Variants in CNDP1 observed in about 807,000 individuals in gnomAD.
The protein encoded by CNDP1 is beta-Ala-His dipeptidase.
Under a neutral mutation model 58.1 loss-of-function variants are expected in CNDP1, and 44 were observed. The observed-to-expected ratio is 0.76, with a 90% CI of 0.60 to 0.97. The LOEUF (loss-of-function observed/expected upper bound fraction) is 0.97, where lower values mean the gene tolerates loss of function less well. Ranked by LOEUF, CNDP1 falls within the 50% of genes least tolerant of loss-of-function variation. The pLI, the probability that CNDP1 is intolerant of heterozygous loss-of-function variation, is 0.00. For missense variants in CNDP1, 616 were observed against 655.1 expected, an observed-to-expected ratio of 0.94 and a Z score of 0.65; for synonymous variants, 254 against 252.6, an observed-to-expected ratio of 1.01 and a Z score of -0.05.
chr18:74,535,207 T>C (rs921102451), intron 1 of CNDP1, among the ~76,000 whole-genome samples: 1 of 152,170 alleles, frequency 6.6e-6, no homozygotes, highest in African/African-American at 2.4e-5. Flanking sequence ...AAGGCTTCTC[T>C]CTAGGAAAAC....
intron 1 of CNDP1, among the ~76,000 whole-genome samples, chr18:74,538,394 C>T (rs1049985569): frequency 6.6e-6 from 1 of 152,222 alleles, no homozygotes; most frequent in African/African-American, 2.4e-5. Flanking sequence ...AAATAATACT[C>T]CATTGTGTGA....
intron 1 of CNDP1, among the ~76,000 whole-genome samples, chr18:74,536,287 C>T (rs1370465185): frequency 1.3e-5 from 2 of 152,154 alleles, no homozygotes; most frequent in African/African-American, 2.4e-5. Context: ...GATCCTCTCC[C>T]TCCTCCCGTC....
intron 1 of CNDP1, among the ~76,000 whole-genome samples, chr18:74,537,109 C>A (rs541658640): frequency 6.6e-6 from 1 of 152,178 alleles, no homozygotes; most frequent in African/African-American, 2.4e-5. Context: ...TTGATAGTTT[C>A]TTTTACTGTG....
chr18:74,555,381 T>C (rs1017031753), intron 1 of CNDP1, among the ~76,000 whole-genome samples: 1 of 151,960 alleles, frequency 6.6e-6, no homozygotes, highest in Non-Finnish European at 1.5e-5. Flanking sequence ...CAGCCCTCGC[T>C]CCCTCCCTCC....
intron 5 of CNDP1, among the ~76,000 whole-genome samples, chr18:74,565,274 A>G (rs1056059287): frequency 6.6e-6 from 1 of 152,182 alleles, no homozygotes; most frequent in African/African-American, 2.4e-5. Context: ...GCCAAACCAT[A>G]TCATTCCACC....
At chr18:74,580,670 T>G (rs192323002) in intron 10 of CNDP1, among the ~76,000 whole-genome samples, 1 of 152,242 alleles carries the variant, frequency 6.6e-6, no homozygotes, top group Admixed American at 6.5e-5. Flanking sequence ...AAAACATCCT[T>G]TCAAAACACA....
chr18:74,584,878 A>T lies in CNDP1; in HGVS notation c.*316A>T. On this transcript the variant is annotated 3_prime_UTR_variant, in exon 12 of 12. Transcript: ENST00000358821. The stretch of plus-strand genomic sequence containing the variant: ...CCTTTTAGCATATCTCCAACCTTGC[A>T]ATTTGATTGGCATAATCACTCCAGT... 1 of 258,314 alleles carries T rather than the reference A, an allele frequency of 3.9e-6. No homozygotes were observed. The highest frequency in any genetic ancestry group is 7.5e-6 in the Non-Finnish European group (1 of 133,780). The allele number at this position is 258,314 out of a possible 1,614,324, so 16.0% of individuals were successfully genotyped here. A position where few individuals can be genotyped will look rare whatever the true frequency, so the allele number is the denominator to read the frequency against.
At chr18:74,535,724 G>A (rs1980471049) in intron 1 of CNDP1, among the ~76,000 whole-genome samples, 2 of 152,020 alleles carry the variant, frequency 1.3e-5, no homozygotes, top group Admixed American at 1.3e-4. Context: ...AAAGTTAAAA[G>A]CAACATGAAA....
chr18:74,547,050 T>G (rs977414480), intron 1 of CNDP1, among the ~76,000 whole-genome samples: 2 of 152,224 alleles, frequency 1.3e-5, no homozygotes, highest in African/African-American at 4.8e-5. Flanking sequence ...CCATGGGGAC[T>G]TGCCGCCACA....
chr18:74,557,960 G>T (rs1453553424), intron 2 of CNDP1, among the ~76,000 whole-genome samples: 2 of 152,126 alleles, frequency 1.3e-5, no homozygotes, highest in African/African-American at 2.4e-5. Flanking sequence ...ATTTAATCCT[G>T]GTTTAGGCCT....
At chr18:74,555,705 C>G (rs11876764) in intron 1 of CNDP1, among the ~76,000 whole-genome samples, 2,454 of 152,168 alleles carry the variant, frequency 0.016, 80 homozygotes, top group African/African-American at 0.056. Flanking sequence ...GTGGTTGGGT[C>G]TCTCAGAGAT....
chr18:74,578,476 A>G, intron 9 of CNDP1, 149 bp downstream of exon 9: 1 of 805,256 alleles, frequency 1.2e-6, no homozygotes, highest in South Asian at 1.8e-5. Flanking sequence ...CAAGAAACCA[A>G]TATTGCCCAG....
At chr18:74,559,535 G>A (rs762910857) in intron 3 of CNDP1, 63 bp downstream of exon 3, 62 of 1,507,582 alleles carry the variant, frequency 4.1e-5, no homozygotes, top group Admixed American at 2.9e-4. Context: ...ATGCCTTCCC[G>A]GGGGTGGCAA....
Position 74,584,444 on chromosome 18 carries a change from T to A in CNDP1, c.1458-52T>A. The A allele has an allele frequency of 3.2e-6, 4 of 1,268,180 alleles. No individual in the cohort carries two copies. The Admixed American group carries it at 6.8e-5, about 21-fold the overall frequency. The allele number at this position is 1,268,180 out of a possible 1,614,324, so 78.6% of individuals were successfully genotyped here. On this transcript the variant is annotated intron_variant, in intron 11 of 11. Transcript: ENST00000358821. ...TAAATGACAGAATATTTTTCCTCCT[T>A]CATTTGAATGGAAATTGTAACAAAA...
intron 7 of CNDP1, among the ~76,000 whole-genome samples, chr18:74,575,338 T>C (rs1002480870): frequency 2.0e-5 from 3 of 152,234 alleles, no homozygotes; most frequent in African/African-American, 7.2e-5. Flanking sequence ...GCACGCACTC[T>C]GCAACTCTGT....
chr18:74,541,238 G>A (rs1209718568), intron 1 of CNDP1, among the ~76,000 whole-genome samples: 1 of 152,228 alleles, frequency 6.6e-6, no homozygotes, highest in Non-Finnish European at 1.5e-5. Context: ...CGGCAGGTGT[G>A]CAGAGGCACC....
At chr18:74,552,842 AT>A (rs145355952) in intron 1 of CNDP1, among the ~76,000 whole-genome samples, 7,609 of 152,276 alleles carry the variant, frequency 0.05, 426 homozygotes, top group African/African-American at 0.14. Flanking sequence ...TGTTTAATTG[AT>A]CAAGGAACTT....
rs200926840 is a variant in CNDP1, at chr18:74,559,420, C to T, written c.251C>T (p.Thr84Met). 314 of 1,612,960 alleles carry T rather than the reference C, an allele frequency of 1.9e-4. 2 individuals are homozygous for T. The highest frequency in any genetic ancestry group is 1.8e-3 in the Admixed American group (106 of 60,002). Residue 84 changes from threonine to methionine, a missense_variant, in exon 3 of 12, where the codon ACG becomes ATG. Transcript: ENST00000358821. ...AGAATGATGGCCGTGGCTGCGGACA[C>T]GCTGCAGCGCCTGGGGGCCCGTGTG... The part of the protein sequence containing the change: ...LFRMMAVAAD[T>M]LQRLGARVAS...
chr18:74,578,747 T>C (rs1981699445), intron 9 of CNDP1, among the ~76,000 whole-genome samples: 1 of 152,216 alleles, frequency 6.6e-6, no homozygotes, highest in African/African-American at 2.4e-5. Flanking sequence ...ATGGTAGATA[T>C]AAAAGCAAGA....
Sources: gnomAD v4.1 joint callset for allele counts (sites outside exome capture counted in the v4.1 genomes callset) on GRCh38, gnomAD v4.1.1 for gene constraint, MANE v1.5 for transcripts, NCBI Gene and HGNC (gene_info 2026-07-23, HGNC 2026-07-21) for gene names.